Variants in CCDC7 observed in about 807,000 individuals in gnomAD.
CCDC7 encodes coiled-coil domain containing 7.
In CCDC7, 183 loss-of-function variants were observed where a neutral mutation model predicts 196.9. That is an observed-to-expected ratio of 0.93 (90% CI 0.82 to 1.05). The LOEUF is 1.05. Among genes scored for constraint, CCDC7 ranks in the 50% least tolerant of loss-of-function variants. The probability of loss-of-function intolerance (pLI) is 0.00; values close to 1 mark genes in which losing one functional copy is unlikely to be tolerated. For missense variants in CCDC7, 1,540 were observed against 1,482.2 expected, an observed-to-expected ratio of 1.04 and a Z score of -0.64; for synonymous variants, 525 against 484.6, an observed-to-expected ratio of 1.08 and a Z score of -1.10.
chr10:32,519,110 G>A (rs551806376), intron 11 of CCDC7, among the ~76,000 whole-genome samples: 2 of 152,222 alleles, frequency 1.3e-5, no homozygotes, highest in Admixed American at 1.3e-4. Flanking sequence ...AATCATACAG[G>A]AGATTTGCTG....
chr10:32,458,459 ATG>A (rs57148461), intron 3 of CCDC7, among the ~76,000 whole-genome samples: 9,152 of 141,872 alleles, frequency 0.065, 932 homozygotes, highest in African/African-American at 0.22. Context: ...GTGTGTTTGC[ATG>A]TGTGTGTGTG....
intron 28 of CCDC7, among the ~76,000 whole-genome samples, chr10:32,769,008 G>A (rs1272650649): frequency 3.9e-5 from 6 of 152,034 alleles, no homozygotes. Flanking sequence ...TTTGGTAACA[G>A]GGTGGCTTCG....
At chr10:32,794,857 A>G (rs1444259928) in intron 29 of CCDC7, among the ~76,000 whole-genome samples, 1 of 152,182 alleles carries the variant, frequency 6.6e-6, no homozygotes, top group African/African-American at 2.4e-5. Flanking sequence ...TGAACAGATC[A>G]GACTTTCCCC....
intron 11 of CCDC7, among the ~76,000 whole-genome samples, chr10:32,520,795 A>G (rs1347685119): frequency 6.6e-6 from 1 of 152,048 alleles, no homozygotes; most frequent in Non-Finnish European, 1.5e-5. Flanking sequence ...AAATTTTTGC[A>G]CAGACCAATA....
chr10:32,541,497 C>T (rs374711156), intron 11 of CCDC7, among the ~76,000 whole-genome samples: 1 of 152,310 alleles, frequency 6.6e-6, no homozygotes, highest in African/African-American at 2.4e-5. Context: ...CTCTAGCAAG[C>T]CTTACCCGCC....
chr10:32,483,487 C>A (rs2040381000), intron 8 of CCDC7, among the ~76,000 whole-genome samples: 1 of 152,216 alleles, frequency 6.6e-6, no homozygotes, highest in African/African-American at 2.4e-5. Flanking sequence ...TGTGAAGAAG[C>A]TCTGTAGTTT....
At chr10:32,610,768 C>A (rs1159424182) in intron 18 of CCDC7, among the ~76,000 whole-genome samples, 1 of 152,194 alleles carries the variant, frequency 6.6e-6, no homozygotes, top group Non-Finnish European at 1.5e-5. Context: ...TTTTTTATGG[C>A]TGCATAGTAT....
intron 28 of CCDC7, among the ~76,000 whole-genome samples, chr10:32,777,514 C>G (rs964976550): frequency 2.0e-5 from 3 of 152,252 alleles, no homozygotes; most frequent in South Asian, 4.2e-4. Flanking sequence ...GTACATGTCC[C>G]CTTTTCTCCA....
chr10:32,709,813 C>G (rs1591894169), intron 24 of CCDC7, among the ~76,000 whole-genome samples: 1 of 152,198 alleles, frequency 6.6e-6, no homozygotes, highest in African/African-American at 2.4e-5. Flanking sequence ...GCTCCATAAC[C>G]AGTAGGAGTG....
At chr10:32,776,624 A>G (rs1376519110) in intron 28 of CCDC7, among the ~76,000 whole-genome samples, 1 of 152,222 alleles carries the variant, frequency 6.6e-6, no homozygotes, top group Non-Finnish European at 1.5e-5. Flanking sequence ...TGGAGATAAA[A>G]TACTTATTTT....
chr10:32,571,613 G>A lies in CCDC7; in HGVS notation c.1420-246G>A, dbSNP rs540161822. Among the ~76,000 whole-genome samples, 264 of 151,432 alleles carry A rather than the reference G, an allele frequency of 1.7e-3. 1 individual carries two copies. Among genetic ancestry groups the A allele is most frequent in the Middle Eastern group, 0.014 (4 of 294 alleles). On this transcript the variant is annotated intron_variant, in intron 15 of 41. Coordinates refer to ENST00000639629, the Ensembl canonical transcript of CCDC7. ...CTTTAACTCAAAAAATTTTTTTTTT[G>A]TTTACTAAAAGTATAAAACCTTATT...
chr10:32,646,348 CT>C (rs1433345308), intron 20 of CCDC7, among the ~76,000 whole-genome samples: 3 of 151,504 alleles, frequency 2.0e-5, no homozygotes, highest in Non-Finnish European at 2.9e-5. Flanking sequence ...AAAGTTCCTT[CT>C]GTTATTGATT....
rs2053221971 is a variant in CCDC7, at chr10:32,550,148, CTTAAG to C, written c.1134+5850_1134+5854del. On this transcript the variant is annotated intron_variant, in intron 13 of 41. Transcript: ENST00000639629. ...TTTCAACTCCTTGGCTAGGTATATT[CTTAAG>C]TTTTTTTTTTTTTTCAGCTATTGTA... Among the ~76,000 whole-genome samples, 4 of 140,594 alleles carry C rather than the reference CTTAAG, an allele frequency of 2.8e-5. 1 individual carries two copies. In the South Asian group the frequency reaches 9.2e-4, roughly 32 times the overall value. The allele number at this position is 140,594 out of a possible 152,430, so 92.2% of individuals were successfully genotyped here.
intron 8 of CCDC7, among the ~76,000 whole-genome samples, chr10:32,484,680 C>G (rs924966627): frequency 1.3e-5 from 2 of 152,092 alleles, no homozygotes; most frequent in Non-Finnish European, 2.9e-5. Flanking sequence ...CATCAATTAC[C>G]TAGTTTATTG....
intron 23 of CCDC7, among the ~76,000 whole-genome samples, chr10:32,691,411 C>T (rs2077063939): frequency 6.6e-6 from 1 of 152,020 alleles, no homozygotes; most frequent in Non-Finnish European, 1.5e-5. Flanking sequence ...AACTAGATCA[C>T]CCAGGAATGG....
intron 29 of CCDC7, among the ~76,000 whole-genome samples, chr10:32,799,435 T>A (rs1592876951): frequency 6.6e-6 from 1 of 152,296 alleles, no homozygotes; most frequent in East Asian, 1.9e-4. Flanking sequence ...AGCCTTCTCC[T>A]GTTCTGGACC....
chr10:32,868,929 T>C (rs1360418588), intron 41 of CCDC7, among the ~76,000 whole-genome samples: 1 of 152,146 alleles, frequency 6.6e-6, no homozygotes, highest in Non-Finnish European at 1.5e-5. Context: ...TAGTATTCCA[T>C]GGTGTATATG....
intron 41 of CCDC7, among the ~76,000 whole-genome samples, chr10:32,870,383 G>T (rs1226597649): frequency 2.0e-5 from 3 of 152,102 alleles, no homozygotes; most frequent in African/African-American, 7.2e-5. Flanking sequence ...GTTCACTCAT[G>T]ATTTGGCTCT....
intron 29 of CCDC7, among the ~76,000 whole-genome samples, chr10:32,794,670 T>C (rs1379162246): frequency 6.6e-6 from 1 of 152,244 alleles, no homozygotes; most frequent in Non-Finnish European, 1.5e-5. Context: ...ATCTCTCTAA[T>C]ATTAGTGATA....
Sources: gnomAD v4.1 joint callset for allele counts (sites outside exome capture counted in the v4.1 genomes callset) on GRCh38, gnomAD v4.1.1 for gene constraint, MANE v1.5 for transcripts, NCBI Gene and HGNC (gene_info 2026-07-23, HGNC 2026-07-21) for gene names.